POU2F3: variants seen among roughly 807,000 people sequenced by gnomAD.
POU2F3 encodes POU class 2 homeobox 3.
POU2F3 carries 23 observed loss-of-function variants against 59.2 expected under a neutral mutation model. The observed-to-expected ratio is 0.39, with a 90% CI of 0.28 to 0.55. The LOEUF is 0.55. POU2F3 is among the 20% of genes least tolerant of loss of function. The probability of loss-of-function intolerance (pLI) is 0.66; values close to 1 mark genes in which losing one functional copy is unlikely to be tolerated. For missense variants in POU2F3, 473 were observed against 544.5 expected (o/e 0.87, Z 1.31); for synonymous variants, 190 against 214.6 (o/e 0.89, Z 1.00).
At chr11:120,236,906 G>C (rs1260474327), upstream of POU2F3, among the ~76,000 whole-genome samples, 1 of 152,220 alleles carries the variant, frequency 6.6e-6, no homozygotes, top group African/African-American at 2.4e-5. Context: ...TCTCTGCTGA[G>C]CCATATGTTT....
intron 3 of POU2F3, among the ~76,000 whole-genome samples, chr11:120,283,955 A>G (rs1420516232): frequency 6.6e-6 from 1 of 152,098 alleles, no homozygotes; most frequent in Non-Finnish European, 1.5e-5. Context: ...AGGCAAGCGG[A>G]TCACTTGAGG....
chr11:120,247,646 G>T (rs1938926724), intron 2 of POU2F3, among the ~76,000 whole-genome samples: 1 of 152,164 alleles, frequency 6.6e-6, no homozygotes, highest in South Asian at 2.1e-4. Context: ...TTTTACTAAG[G>T]GTCTGTGGAG....
intron 2 of POU2F3, among the ~76,000 whole-genome samples, chr11:120,255,409 A>C (rs1939294839): frequency 6.6e-6 from 1 of 152,098 alleles, no homozygotes; most frequent in African/African-American, 2.4e-5. Context: ...GGTGGTTGCT[A>C]TGACGATGGG....
intron 2 of POU2F3, among the ~76,000 whole-genome samples, chr11:120,259,623 C>G (rs1358682603): frequency 6.6e-6 from 1 of 152,214 alleles, no homozygotes; most frequent in African/African-American, 2.4e-5. Flanking sequence ...TCAAGGATTG[C>G]TTTCAGGCTT....
intron 3 of POU2F3, among the ~76,000 whole-genome samples, chr11:120,294,353 C>T (rs537745563): frequency 3.9e-5 from 6 of 152,256 alleles, no homozygotes; most frequent in Admixed American, 2.0e-4. Context: ...GGGATGCGTC[C>T]GTCCCAAGTA....
intron 3 of POU2F3, among the ~76,000 whole-genome samples, chr11:120,272,413 G>A (rs1228719462): frequency 6.6e-6 from 1 of 152,184 alleles, no homozygotes; most frequent in Non-Finnish European, 1.5e-5. Flanking sequence ...CAGAGATTGA[G>A]TGTGACCTCA....
At chr11:120,304,342 G>GAAA (rs1941426025) in intron 6 of POU2F3, 2 of 62,458 alleles carry the variant, frequency 3.2e-5, no homozygotes, top group South Asian at 8.2e-4. Flanking sequence ...AAAAAAAAAA[G>GAAA]AAGAAGAAGA....
intron 5 of POU2F3, chr11:120,301,347 C>G (rs182835142): frequency 4.0e-6 from 1 of 252,086 alleles, no homozygotes; most frequent in East Asian, 1.0e-4. Flanking sequence ...CCATTAGTAC[C>G]CAAGCCTCTC....
At chr11:120,309,223 T>C (rs529792400) in intron 9 of POU2F3, among the ~76,000 whole-genome samples, 20 of 152,312 alleles carry the variant, frequency 1.3e-4, no homozygotes, top group African/African-American at 4.6e-4. Context: ...ATTATTCTCA[T>C]TTCATAGATG....
intron 3 of POU2F3, among the ~76,000 whole-genome samples, chr11:120,275,878 T>C (rs1940297325): frequency 6.6e-6 from 1 of 152,256 alleles, no homozygotes; most frequent in Non-Finnish European, 1.5e-5. Context: ...ACTGGGATTT[T>C]CCATCATTGT....
At chr11:120,272,173 G>A (rs867996322) in intron 3 of POU2F3, among the ~76,000 whole-genome samples, 1 of 152,194 alleles carries the variant, frequency 6.6e-6, no homozygotes, top group African/African-American at 2.4e-5. Context: ...TAGGTGATAC[G>A]ATCCTCATTT....
At chr11:120,314,882 C>T (rs1941740828) in intron 10 of POU2F3, among the ~76,000 whole-genome samples, 1 of 152,178 alleles carries the variant, frequency 6.6e-6, no homozygotes, top group Admixed American at 6.5e-5. Flanking sequence ...CTCCATTCAT[C>T]CATCACAGTG....
In POU2F3 at chr11:120,305,131, C is replaced by T. The variant is rs201298803; in HGVS notation, c.546C>T (p.Ala182=). ...VPKHLPSSGG[A]DEPSDLEELE... Reference sequence around the variant, plus strand: ...AGCATCTACCCAGCTCTGGAGGGGCCGATGAGCCCAGTGACCTCGAGGAGC... The same window carrying T: ...AGCATCTACCCAGCTCTGGAGGGGCTGATGAGCCCAGTGACCTCGAGGAGC... Residue 182 remains alanine, a synonymous_variant, in exon 7 of 13, where the codon GCC becomes GCT. Coordinates refer to ENST00000543440, the MANE Select transcript of POU2F3 (RefSeq NM_014352.4). The T allele has an allele frequency of 6.8e-6, 11 of 1,613,676 alleles. No individual in the cohort carries two copies. Among genetic ancestry groups the T allele is most frequent in the African/African-American group, 5.3e-5 (4 of 74,832 alleles).
upstream of POU2F3, among the ~76,000 whole-genome samples, chr11:120,239,217 C>T (rs1591365759): frequency 6.6e-6 from 1 of 152,228 alleles, no homozygotes; most frequent in African/African-American, 2.4e-5. Context: ...CCCTGCCCTC[C>T]TGTCTGCACA....
intron 2 of POU2F3, chr11:120,254,244 G>A (rs2715888): frequency 0.46 from 69,676 of 152,174 alleles, 19,557 homozygotes; most frequent in East Asian, 1. Flanking sequence ...GGCCTTGAAG[G>A]GCAGCCAGAA....
Position 120,302,371 on chromosome 11 carries a change from A to G in POU2F3, c.444+3A>G. The G allele has an allele frequency of 2.5e-6, 4 of 1,588,356 alleles. No individual in the cohort carries two copies. The highest frequency in any genetic ancestry group is 2.2e-5 in the South Asian group (2 of 90,466). ...CTGGGCCGGGACTGGCATCCCAGGT[A>G]AACAACCCCATTCTTCCTGTTTCCT... On this transcript the variant is annotated splice_donor_region_variant and intron_variant, in intron 6 of 12. Transcript: ENST00000543440.
intron 9 of POU2F3, among the ~76,000 whole-genome samples, chr11:120,308,804 G>A (rs924397931): frequency 6.6e-6 from 1 of 151,712 alleles, no homozygotes; most frequent in Non-Finnish European, 1.5e-5. Context: ...TGGGCGTGGT[G>A]ATGTATGCCT....
At chr11:120,250,023 C>A (rs1396276646) in intron 2 of POU2F3, 1 of 152,240 alleles carries the variant, frequency 6.6e-6, no homozygotes, top group South Asian at 2.1e-4. Flanking sequence ...CTTCATTTTC[C>A]TCCCCATAGA....
At position 120,270,193 on chromosome 11, in the gene POU2F3, AT is replaced by A. The variant is rs1940000876; in HGVS notation, c.132+952del. ...ACTGAAAAATTAATTTATTCCATAAATTTGGCAGTGGGGGAGTACTTGCACT... is the reference window on the plus strand; with the variant it reads ...ACTGAAAAATTAATTTATTCCATAAATTGGCAGTGGGGGAGTACTTGCACT... On this transcript the variant is annotated intron_variant, in intron 3 of 12. Coordinates refer to ENST00000543440, the MANE Select transcript of POU2F3 (RefSeq NM_014352.4). 2.0e-5 allele frequency among the ~76,000 whole-genome samples: 3 copies of A among 152,194 alleles called. No homozygotes were observed. The South Asian group carries it at 6.2e-4, about 32-fold the overall frequency.
Sources: gnomAD v4.1 joint callset for allele counts (sites outside exome capture counted in the v4.1 genomes callset) on GRCh38, gnomAD v4.1.1 for gene constraint, MANE v1.5 for transcripts, NCBI Gene and HGNC (gene_info 2026-07-23, HGNC 2026-07-21) for gene names.